Variants in CDC42BPA observed in about 807,000 individuals in gnomAD.
CDC42BPA encodes CDC42 binding protein kinase alpha.
In CDC42BPA, 80 loss-of-function variants were observed where a neutral mutation model predicts 223.5. The observed-to-expected ratio is 0.36, with a 90% CI of 0.30 to 0.43. The LOEUF is 0.43. Among genes scored for constraint, CDC42BPA ranks in the 20% least tolerant of loss-of-function variants. The pLI is 1.00. For missense variants in CDC42BPA, 1,743 were observed against 2,099.9 expected (o/e 0.83, Z 3.32); for synonymous variants, 694 against 718.6 (o/e 0.97, Z 0.55).
Position 227,029,097 on chromosome 1 carries a change from G to C in CDC42BPA, c.3992C>G (p.Ser1331Ter), listed in dbSNP as rs375993481. The change falls in exon 30 of 37, where the codon TCA becomes TGA. Residue 1331 changes from serine to a stop codon, truncating the protein, a stop_gained. Coordinates refer to ENST00000366766, the MANE Select transcript of CDC42BPA (RefSeq NM_001394014.1). LOFTEE classifies it high-confidence loss of function. ...DGRETDFYKL[S>*]ETKGCQTVTS... ...TACGGTTTGACACCCTTTAGTTTCT[G>C]ACAGCTTGTAAAAATCGGTCTCTCG... 1 of 1,613,404 alleles carries C rather than the reference G, an allele frequency of 6.2e-7. No individual in the cohort carries two copies. The highest frequency in any genetic ancestry group is 8.5e-7 in the Non-Finnish European group (1 of 1,180,026).
chr1:227,008,428 A>C (rs1481013531), intron 34 of CDC42BPA, among the ~76,000 whole-genome samples: 2 of 152,258 alleles, frequency 1.3e-5, no homozygotes, highest in East Asian at 3.8e-4. Context: ...CAAATACTTA[A>C]GGCTTTTGAG....
Position 227,145,025 on chromosome 1 carries a change from A to G in CDC42BPA, c.1143+464T>C, listed in dbSNP as rs149725397. The stretch of plus-strand genomic sequence containing the variant: ...AGTAGTGGGGATGGACGTGTGTGGT[A>G]TATGTGACTTTAAACTAAAGTTCAG... On this transcript the variant is annotated intron_variant, in intron 8 of 36. Coordinates refer to ENST00000366766, the MANE Select transcript of CDC42BPA (RefSeq NM_001394014.1). 2.0e-5 allele frequency among the ~76,000 whole-genome samples: 3 copies of G among 152,306 alleles called. No individual in the cohort carries two copies. The East Asian group carries it at 5.8e-4, about 29-fold the overall frequency.
intron 5 of CDC42BPA, among the ~76,000 whole-genome samples, chr1:227,176,617 C>G (rs1395646852): frequency 6.6e-6 from 1 of 152,014 alleles, no homozygotes; most frequent in African/African-American, 2.4e-5. Flanking sequence ...CTACAACTGA[C>G]TATTTAATGA....
At chr1:227,107,565 G>A (rs1485328901) in intron 14 of CDC42BPA, among the ~76,000 whole-genome samples, 2 of 152,166 alleles carry the variant, frequency 1.3e-5, no homozygotes. Context: ...GGGACGACAG[G>A]TGCCTTCTCA....
chr1:227,256,078 C>A (rs1346611157), intron 1 of CDC42BPA, among the ~76,000 whole-genome samples: 1 of 152,070 alleles, frequency 6.6e-6, no homozygotes, highest in Non-Finnish European at 1.5e-5. Flanking sequence ...CAACAAAAAA[C>A]CCCAATTCAA....
At chr1:227,060,033 T>TA (rs1553318021) in intron 21 of CDC42BPA, among the ~76,000 whole-genome samples, 14 of 142,112 alleles carry the variant, frequency 9.9e-5, no homozygotes, top group African/African-American at 3.6e-4. Flanking sequence ...TTTTTTTGTT[T>TA]TTTTTTTTTT....
intron 21 of CDC42BPA, among the ~76,000 whole-genome samples, chr1:227,065,515 C>T (rs1433654930): frequency 6.6e-6 from 1 of 152,130 alleles, no homozygotes; most frequent in Admixed American, 6.5e-5. Flanking sequence ...CAAGTATTGG[C>T]CAAACAATGT....
chr1:227,189,387 C>A (rs1480162130), intron 5 of CDC42BPA, among the ~76,000 whole-genome samples: 1 of 152,180 alleles, frequency 6.6e-6, no homozygotes, highest in African/African-American at 2.4e-5. Context: ...AAGGATGAAA[C>A]TATCTTATTT....
chr1:227,089,170 A>G (rs1275517828), intron 16 of CDC42BPA, among the ~76,000 whole-genome samples: 1 of 152,226 alleles, frequency 6.6e-6, no homozygotes, highest in African/African-American at 2.4e-5. Flanking sequence ...AAATTAACCT[A>G]ATAATTGCTT....
rs1694643745 is a variant in CDC42BPA at position 227,317,807 on chromosome 1, A to G, written c.-625T>C. On this transcript the variant is annotated 5_prime_UTR_variant, in exon 1 of 37. Coordinates refer to ENST00000366766, the MANE Select transcript of CDC42BPA (RefSeq NM_001394014.1). ...TCCCTGAAGCAGCCCCTCGGCTCGG[A>G]GCACGCCAAGTCTTGCCCGGAGGCG... The G allele has an allele frequency of 2.5e-6, 1 of 398,716 alleles. No individual in the cohort carries two copies. Among genetic ancestry groups the G allele is most frequent in the Non-Finnish European group, 4.4e-6 (1 of 226,134 alleles). The allele number at this position is 398,716 out of a possible 1,614,324, so 24.7% of individuals were successfully genotyped here.
At position 227,087,423 on chromosome 1, in the gene CDC42BPA, G is replaced by A. The variant is rs139522339; in HGVS notation, c.2355+4463C>T. Among the ~76,000 whole-genome samples, 108 of 152,226 alleles carry A rather than the reference G, an allele frequency of 7.1e-4. 1 individual carries two copies. The highest frequency in any genetic ancestry group is 2.5e-3 in the African/African-American group (102 of 41,562). ...CATTATGCCAGTACTACATGTTTTT[G>A]ATTACTGCATTTTTATAGCAAGTAT... is the stretch of plus-strand genomic sequence containing the variant. On this transcript the variant is annotated intron_variant, in intron 16 of 36. Transcript: ENST00000366766.
chr1:227,160,798 T>C (rs1036491867), intron 5 of CDC42BPA, among the ~76,000 whole-genome samples, 162 bp from the exon 6 acceptor site: 5 of 152,236 alleles, frequency 3.3e-5, no homozygotes, highest in African/African-American at 7.2e-5. Flanking sequence ...TTCTGATTCA[T>C]ATTAAAACTT....
intron 22 of CDC42BPA, among the ~76,000 whole-genome samples, chr1:227,050,790 C>T (rs1468286300): frequency 1.3e-5 from 2 of 152,102 alleles, no homozygotes; most frequent in African/African-American, 4.8e-5. Flanking sequence ...GGAAGATGCA[C>T]ATCAGCTTCA....
chr1:227,199,752 G>T (rs1671394331), intron 3 of CDC42BPA, 100 bp from the exon 4 acceptor site: 1 of 613,642 alleles, frequency 1.6e-6, no homozygotes, highest in Non-Finnish European at 2.8e-6. Context: ...TTCTGGAAAA[G>T]GAATACACCT....
intron 3 of CDC42BPA, among the ~76,000 whole-genome samples, chr1:227,202,443 C>G (rs1257075957): frequency 6.6e-6 from 1 of 152,112 alleles, no homozygotes; most frequent in African/African-American, 2.4e-5. Flanking sequence ...CTGGCTTCAT[C>G]TCACTATAAT....
chr1:227,180,758 A>G (rs956968843), intron 5 of CDC42BPA, among the ~76,000 whole-genome samples: 30 of 152,242 alleles, frequency 2.0e-4, no homozygotes, highest in African/African-American at 7.2e-4. Context: ...TGATAATCGA[A>G]CATAACATTC....
chr1:227,128,972 C>T (rs1656407404), intron 11 of CDC42BPA, 137 bp downstream of exon 11: 3 of 630,978 alleles, frequency 4.8e-6, no homozygotes, highest in Non-Finnish European at 8.2e-6. Flanking sequence ...AGAACCCATT[C>T]TTATTTGCCC....
At chr1:227,015,991 C>T (rs1666153775) in intron 34 of CDC42BPA, 89 bp downstream of exon 34, 1 of 717,318 alleles carries the variant, frequency 1.4e-6, no homozygotes, top group Non-Finnish European at 2.5e-6. Flanking sequence ...TTTCACATAT[C>T]CTTTGAAGTC....
chr1:227,105,284 C>A (rs1685705297), intron 14 of CDC42BPA, among the ~76,000 whole-genome samples: 1 of 151,558 alleles, frequency 6.6e-6, no homozygotes, highest in Non-Finnish European at 1.5e-5. Flanking sequence ...TAAGAATTAA[C>A]TCCCTGTTCC....
Sources: allele counts gnomAD v4.1 joint callset (sites outside exome capture counted in the v4.1 genomes callset), GRCh38; gene constraint gnomAD v4.1.1; transcripts MANE v1.5; gene names NCBI Gene and HGNC (gene_info 2026-07-23, HGNC 2026-07-21).